The following TAOK3 variants were observed in gnomAD, a reference collection of about 807,000 sequenced individuals.
TAOK3 encodes the protein serine/threonine-protein kinase TAO3.
TAOK3 carries 40 observed loss-of-function variants against 120.4 expected under a neutral mutation model. The ratio of observed to expected loss-of-function variants is 0.33; its 90% CI spans 0.26 to 0.43. The LOEUF is 0.43. TAOK3 is among the 20% of genes least tolerant of loss of function. The pLI is 1.00. For synonymous variants in TAOK3, 355 were observed against 387.5 expected, an observed-to-expected ratio of 0.92 and a Z score of 0.99; for missense variants, 821 against 1,112.1, an observed-to-expected ratio of 0.74 and a Z score of 3.72.
At chr12:118,232,904 C>CA (rs1276152689) in intron 9 of TAOK3, among the ~76,000 whole-genome samples, 2 of 151,658 alleles carry the variant, frequency 1.3e-5, no homozygotes, top group African/African-American at 4.8e-5. Flanking sequence ...GACTCTGTCT[C>CA]AAAAAAAATA....
At chr12:118,192,709 C>T (rs2037496344) in intron 13 of TAOK3, among the ~76,000 whole-genome samples, 1 of 152,136 alleles carries the variant, frequency 6.6e-6, no homozygotes, top group Admixed American at 6.5e-5. Context: ...GTTATACTGC[C>T]CCTTTAAGTA....
intron 7 of TAOK3, among the ~76,000 whole-genome samples, chr12:118,237,065 T>C (rs1302815749): frequency 6.6e-6 from 1 of 152,152 alleles, no homozygotes; most frequent in Non-Finnish European, 1.5e-5. Flanking sequence ...GTCAGATCCA[T>C]AGACATTATG....
At chr12:118,195,268 A>G (rs1245781263) in intron 13 of TAOK3, among the ~76,000 whole-genome samples, 1 of 152,214 alleles carries the variant, frequency 6.6e-6, no homozygotes, top group Non-Finnish European at 1.5e-5. Flanking sequence ...GAAGGCAGCA[A>G]CAGGCAAAGG....
chr12:118,367,562 T>TA (rs1371368061), intron 1 of TAOK3, among the ~76,000 whole-genome samples: 20 of 151,980 alleles, frequency 1.3e-4, no homozygotes, highest in African/African-American at 3.1e-4. Context: ...TAAGAAACAG[T>TA]AAAAAAACTT....
chr12:118,239,434 T>C (rs1253548027), intron 5 of TAOK3, among the ~76,000 whole-genome samples, 162 bp from the exon 6 acceptor site: 1 of 152,254 alleles, frequency 6.6e-6, no homozygotes, highest in Non-Finnish European at 1.5e-5. Flanking sequence ...AATTGATTTT[T>C]ATAATTTTCA....
intron 16 of TAOK3, among the ~76,000 whole-genome samples, chr12:118,174,912 T>C (rs1009921753): frequency 6.6e-6 from 1 of 152,302 alleles, no homozygotes; most frequent in Non-Finnish European, 1.5e-5. Flanking sequence ...TCCACCCACC[T>C]TGGCCTCCCA....
In TAOK3 at chr12:118,182,623, A is replaced by ATATATATATATAT. The variant is rs371125415; in HGVS notation, c.1330-1017_1330-1016insATATATATATATA. On this transcript the variant is annotated intron_variant, in intron 14 of 20. Transcript: ENST00000392533. ...TGTATATATATATATATATATATATATTTTTTTTTTTTTTTAAGGATCATG... is the reference window on the plus strand; with the variant it reads ...TGTATATATATATATATATATATATATATATATATATATTTTTTTTTTTTTTTTAAGGATCATG... Among the ~76,000 whole-genome samples, 15 of 92,386 alleles carry ATATATATATATAT rather than the reference A, an allele frequency of 1.6e-4. No homozygotes were observed. The South Asian group carries it at 3.9e-3, about 24-fold the overall frequency. 60.6% of individuals were successfully genotyped at this position (92,386 alleles called of 152,430 possible).
At chr12:118,333,483 C>T (rs1027903283) in intron 1 of TAOK3, among the ~76,000 whole-genome samples, 1 of 152,018 alleles carries the variant, frequency 6.6e-6, no homozygotes, top group African/African-American at 2.4e-5. Flanking sequence ...GCAACTAAAG[C>T]AATGCCAAGA....
chr12:118,310,153 G>T (rs995314106), intron 1 of TAOK3, among the ~76,000 whole-genome samples: 1 of 152,086 alleles, frequency 6.6e-6, no homozygotes, highest in East Asian at 1.9e-4. Flanking sequence ...GCATAGTGGC[G>T]TGCACCTGTG....
At chr12:118,333,686 T>A (rs955144340) in intron 1 of TAOK3, among the ~76,000 whole-genome samples, 9 of 150,834 alleles carry the variant, frequency 6.0e-5, no homozygotes, top group Admixed American at 5.9e-4. Flanking sequence ...ATCAATGAAA[T>A]CAAAACTAGT....
intron 1 of TAOK3, among the ~76,000 whole-genome samples, chr12:118,267,987 G>C (rs1329295692): frequency 3.3e-5 from 5 of 151,206 alleles, no homozygotes. Context: ...ATTTATTTCT[G>C]CCTGCATTTT....
At chr12:118,237,788 C>T (rs1280909235) in intron 7 of TAOK3, among the ~76,000 whole-genome samples, 1 of 152,104 alleles carries the variant, frequency 6.6e-6, no homozygotes, top group Admixed American at 6.5e-5. Flanking sequence ...CTTCATGACA[C>T]AGTATCTAAA....
Position 118,371,675 on chromosome 12 carries a change from G to C in TAOK3, c.-194+973C>G, listed in dbSNP as rs1441256078. ...GCGACTGCGACCCAGGCTCCCCGCC[G>C]CAGCCGTTCTTGGGGGGGCTCCCGC... On this transcript the variant is annotated intron_variant, in intron 1 of 20. Coordinates refer to ENST00000392533, the MANE Select transcript of TAOK3 (RefSeq NM_016281.4). This position sits in a 1 kb window ranked among gnomAD's most constrained non-coding sequence, Gnocchi z 5.5. Among the ~76,000 whole-genome samples, 2 of 152,034 alleles carry C rather than the reference G, an allele frequency of 1.3e-5. No individual in the cohort carries two copies. Among genetic ancestry groups the C allele is most frequent in the Admixed American group, 6.5e-5 (1 of 15,268 alleles).
chr12:118,189,533 C>G (rs1409224126), intron 14 of TAOK3, among the ~76,000 whole-genome samples: 1 of 98,354 alleles, frequency 1.0e-5, no homozygotes, highest in Non-Finnish European at 2.0e-5. Context: ...CACACAGACA[C>G]AGACACACAC....
intron 2 of TAOK3, among the ~76,000 whole-genome samples, chr12:118,257,458 A>G (rs1434106629): frequency 1.3e-5 from 2 of 152,124 alleles, no homozygotes; most frequent in African/African-American, 4.8e-5. Flanking sequence ...AAAAATATAG[A>G]AATGTTATCA....
intron 9 of TAOK3, among the ~76,000 whole-genome samples, chr12:118,227,265 TTA>T (rs201066796): frequency 0.055 from 8,057 of 147,366 alleles, 446 homozygotes; most frequent in East Asian, 0.25. Flanking sequence ...TAATATAAAA[TTA>T]TGTTATAATT....
In TAOK3 at chr12:118,149,918, C is replaced by G. The variant is rs79307118; in HGVS notation, c.*1079G>C. 5.3e-5 allele frequency: 8 copies of G among 151,542 alleles called. No individual in the cohort carries two copies. The highest frequency in any genetic ancestry group is 8.8e-5 in the Non-Finnish European group (6 of 67,926). The allele number at this position is 151,542 out of a possible 1,614,324, so 9.4% of individuals were successfully genotyped here. On this transcript the variant is annotated 3_prime_UTR_variant, in exon 21 of 21. Transcript: ENST00000392533. ...TAAAGTGCATGCAAAAGAAGTAAAG[C>G]CTTTTTTTTTTTCATCATTTTTTAT...
chr12:118,155,275 C>T (rs2034741821), intron 19 of TAOK3, among the ~76,000 whole-genome samples: 1 of 152,228 alleles, frequency 6.6e-6, no homozygotes, highest in Non-Finnish European at 1.5e-5. Context: ...GGATTACAGG[C>T]ATGAGCCGCT....
chr12:118,184,905 G>A (rs2036980667), intron 14 of TAOK3, among the ~76,000 whole-genome samples: 1 of 152,170 alleles, frequency 6.6e-6, no homozygotes, highest in Admixed American at 6.5e-5. Flanking sequence ...AACTACCACT[G>A]TCTTCCTCAG....
Sources: allele counts gnomAD v4.1 joint callset (sites outside exome capture counted in the v4.1 genomes callset), GRCh38; gene constraint gnomAD v4.1.1; non-coding constraint Gnocchi (gnomAD v3.1); transcripts MANE v1.5; gene names NCBI Gene and HGNC (gene_info 2026-07-23, HGNC 2026-07-21).